The following PPFIA1 variants were observed in gnomAD, a reference collection of about 807,000 sequenced individuals.
PPFIA1 encodes liprin-alpha-1.
In PPFIA1, 25 loss-of-function variants were observed where a neutral mutation model predicts 149.9. The ratio of observed to expected loss-of-function variants is 0.17; its 90% CI spans 0.12 to 0.23. The LOEUF (loss-of-function observed/expected upper bound fraction) is 0.23. PPFIA1 is among the 10% of genes least tolerant of loss of function. The pLI, the probability that PPFIA1 is intolerant of heterozygous loss-of-function variation, is 1.00. For synonymous variants in PPFIA1, 549 were observed against 552.8 expected (o/e 0.99, Z 0.10); for missense variants, 1,362 against 1,506.5 (o/e 0.90, Z 1.59).
At chr11:70,333,341 A>G (rs1228044198) in intron 9 of PPFIA1, 129 bp from the exon 10 acceptor site, 2 of 731,986 alleles carry the variant, frequency 2.7e-6, no homozygotes, top group Non-Finnish European at 4.9e-6. Context: ...GGATGAGTAC[A>G]TGCTTTCCAT....
At chr11:70,334,650 A>G (rs951017477) in intron 10 of PPFIA1, 1 of 152,266 alleles carries the variant, frequency 6.6e-6, no homozygotes, top group Non-Finnish European at 1.5e-5. Context: ...TAGTTGCTAC[A>G]TGTTAGACCT....
intron 2 of PPFIA1, among the ~76,000 whole-genome samples, chr11:70,282,113 A>G (rs2050796776): frequency 6.6e-6 from 1 of 151,282 alleles, no homozygotes; most frequent in Admixed American, 6.6e-5. Context: ...CTGCCCAGTC[A>G]CTTAACCACT....
At chr11:70,330,498 T>G (rs1159643218) in intron 8 of PPFIA1, among the ~76,000 whole-genome samples, 179 bp downstream of exon 8, 5 of 152,242 alleles carry the variant, frequency 3.3e-5, no homozygotes, top group Non-Finnish European at 7.3e-5. Flanking sequence ...TTACGTAGGA[T>G]TTGATTTAAC....
Position 70,279,631 on chromosome 11 carries a change from A to G in PPFIA1, c.264+7195A>G, listed in dbSNP as rs75190062. ...CTATTGTTGCCCAAGTTGGAGTGCA[A>G]TGGTGTGATATACATTAGGCTTTTA... On this transcript the variant is annotated intron_variant, in intron 2 of 27. Transcript: ENST00000253925. Among the ~76,000 whole-genome samples, 1,184 of 150,188 alleles carry G rather than the reference A, an allele frequency of 7.9e-3. 5 individuals carry two copies. The highest frequency in any genetic ancestry group is 0.017 in the Middle Eastern group (5 of 294).
At position 70,325,550 on chromosome 11, in the gene PPFIA1, G is replaced by A. The variant is rs775549236; in HGVS notation, c.582G>A (p.Glu194=). 2 of 1,587,884 alleles carry A rather than the reference G, an allele frequency of 1.3e-6. No individual in the cohort carries two copies. The highest frequency in any genetic ancestry group is 2.2e-5 in the South Asian group (2 of 90,518). The part of the protein sequence containing the change: ...VALERCSLLE[E]ELGATHKELM... ...TTGAAAGATGTAGTTTGTTAGAAGA[G>A]GAATTAGGTGCCACACACAAAGAGG... is the stretch of plus-strand genomic sequence containing the variant. The change falls in exon 5 of 28, where the codon GAG becomes GAA. Residue 194 remains glutamate, a synonymous_variant. Coordinates refer to ENST00000253925, the MANE Select transcript of PPFIA1 (RefSeq NM_003626.5).
At chr11:70,281,448 C>G (rs990069571) in intron 2 of PPFIA1, among the ~76,000 whole-genome samples, 1 of 152,202 alleles carries the variant, frequency 6.6e-6, no homozygotes, top group Non-Finnish European at 1.5e-5. Flanking sequence ...TTGGCGTGTC[C>G]TGGAGCCCAA....
chr11:70,289,167 T>A (rs1206887208), intron 2 of PPFIA1, among the ~76,000 whole-genome samples: 2 of 152,040 alleles, frequency 1.3e-5, no homozygotes, highest in Admixed American at 1.3e-4. Context: ...TGATGGGGTT[T>A]CACCATGTTG....
chr11:70,294,085 C>T (rs1190800309), intron 2 of PPFIA1, among the ~76,000 whole-genome samples: 1 of 151,726 alleles, frequency 6.6e-6, no homozygotes, highest in Admixed American at 6.6e-5. Flanking sequence ...CATTGGTGTG[C>T]AGTGCACCAC....
At chr11:70,343,546 A>G (rs1475915059) in intron 14 of PPFIA1, 123 bp from the exon 15 acceptor site, 1 of 816,884 alleles carries the variant, frequency 1.2e-6, no homozygotes, top group East Asian at 2.7e-5. Context: ...CCTTATAAGC[A>G]TGGCCCATCT....
At chr11:70,356,613 T>A (rs377637666) in intron 19 of PPFIA1, among the ~76,000 whole-genome samples, 3 of 152,202 alleles carry the variant, frequency 2.0e-5, no homozygotes, top group African/African-American at 7.2e-5. Context: ...ATCTGTAAAG[T>A]GGGGATCCTA....
intron 21 of PPFIA1, chr11:70,364,549 A>G (rs1391286298): frequency 2.0e-5 from 3 of 152,176 alleles, no homozygotes; most frequent in Non-Finnish European, 4.4e-5. Context: ...ACCTTACAAA[A>G]AAAGTTTTGA....
In PPFIA1 at chr11:70,312,585, G is replaced by C. The variant is rs143037060; in HGVS notation, c.265-11817G>C. 5.0e-3 allele frequency among the ~76,000 whole-genome samples: 767 copies of C among 152,326 alleles called. 10 individuals carry two copies. Among genetic ancestry groups the C allele is most frequent in the African/African-American group, 0.017 (725 of 41,566 alleles). Reference sequence around the variant, plus strand: ...GGCCCAGGAGTCTGCATTTGAATCAGCTCCACAGGTGGTTACTGTGCAGCC... The same window carrying C: ...GGCCCAGGAGTCTGCATTTGAATCACCTCCACAGGTGGTTACTGTGCAGCC... On this transcript the variant is annotated intron_variant, in intron 2 of 27. Transcript: ENST00000253925.
rs932877656 is a variant in PPFIA1, at chr11:70,348,094, C to T, written c.1932-95C>T. On this transcript the variant is annotated intron_variant, in intron 15 of 27. Transcript: ENST00000253925. Reference sequence around the variant, plus strand: ...GAGCAGCTTATTACTGGAGTTTACTCATAGTAATACAGAGTATAAGCATGG... The same window carrying T: ...GAGCAGCTTATTACTGGAGTTTACTTATAGTAATACAGAGTATAAGCATGG... 1.2e-5 allele frequency: 12 copies of T among 972,180 alleles called. No individual in the cohort carries two copies. In the African/African-American group the frequency reaches 1.6e-4, roughly 13 times the overall value. The allele number at this position is 972,180 out of a possible 1,614,324, so 60.2% of individuals were successfully genotyped here. A position where few individuals can be genotyped will look rare whatever the true frequency, so the allele number is the denominator to read the frequency against.
At chr11:70,367,156 G>A (rs775120470) in intron 21 of PPFIA1, among the ~76,000 whole-genome samples, 12 of 152,294 alleles carry the variant, frequency 7.9e-5, no homozygotes, top group Non-Finnish European at 1.5e-4. Flanking sequence ...TGCTCTTTGC[G>A]GTGGAAATAT....
chr11:70,321,683 A>T (rs1379854906), intron 2 of PPFIA1, among the ~76,000 whole-genome samples: 1 of 152,222 alleles, frequency 6.6e-6, no homozygotes, highest in Non-Finnish European at 1.5e-5. Context: ...AGCCAGGATG[A>T]TAGACTCTGG....
chr11:70,333,233 C>CA (rs755933936), intron 9 of PPFIA1: 1 of 579,724 alleles, frequency 1.7e-6, no homozygotes, highest in Non-Finnish European at 3.2e-6. Context: ...GGAAAACACC[C>CA]AGTCAGTCGC....
In PPFIA1 at chr11:70,332,874, G is replaced by T. The variant is rs141131257; in HGVS notation, c.1213-596G>T. 5.2e-5 allele frequency: 19 copies of T among 368,400 alleles called. No homozygotes were observed. The East Asian group carries it at 1.4e-3, about 28-fold the overall frequency. The allele number at this position is 368,400 out of a possible 1,614,324, so 22.8% of individuals were successfully genotyped here. ...GGAGGGCATCCTTCTGGACCATTCAGATGGTTTTAGGGCTCACACACCTGT... is the reference window on the plus strand; with the variant it reads ...GGAGGGCATCCTTCTGGACCATTCATATGGTTTTAGGGCTCACACACCTGT... On this transcript the variant is annotated intron_variant, in intron 9 of 27. Transcript: ENST00000253925.
intron 2 of PPFIA1, among the ~76,000 whole-genome samples, chr11:70,313,289 A>G (rs188905885): frequency 6.0e-4 from 92 of 152,344 alleles, no homozygotes; most frequent in African/African-American, 2.0e-3. Flanking sequence ...CTGGCAGATA[A>G]TGCAACAGAA....
chr11:70,337,251 T>A, intron 11 of PPFIA1, 114 bp from the exon 12 acceptor site: 1 of 661,536 alleles, frequency 1.5e-6, no homozygotes, highest in Non-Finnish European at 2.4e-6. Flanking sequence ...GCTGGTGTGC[T>A]CTTTTACTCC....
Sources: allele counts gnomAD v4.1 joint callset (sites outside exome capture counted in the v4.1 genomes callset), GRCh38; gene constraint gnomAD v4.1.1; transcripts MANE v1.5; gene names NCBI Gene and HGNC (gene_info 2026-07-23, HGNC 2026-07-21).